GRID2: variants seen among roughly 807,000 people sequenced by gnomAD.
GRID2 encodes glutamate receptor ionotropic, delta-2.
In GRID2, 33 loss-of-function variants were observed where a neutral mutation model predicts 114.8. That is an observed-to-expected ratio of 0.29 (90% CI 0.22 to 0.38). GRID2 has a LOEUF of 0.38. Ranked by LOEUF, GRID2 falls within the 10% of genes least tolerant of loss-of-function variation. GRID2 has a pLI of 1.00. For missense variants in GRID2, 1,184 were observed against 1,257.7 expected (o/e 0.94, Z 0.89); for synonymous variants, 505 against 449.9 (o/e 1.12, Z -1.55).
intron 5 of GRID2, among the ~76,000 whole-genome samples, chr4:93,212,538 AT>A (rs1010936185): frequency 1.2e-4 from 19 of 152,240 alleles, no homozygotes; most frequent in Admixed American, 7.2e-4. Context: ...TTAACACTTT[AT>A]TTAAGTTTTA....
At chr4:92,365,637 G>T (rs1456845752) in intron 1 of GRID2, among the ~76,000 whole-genome samples, 1 of 151,882 alleles carries the variant, frequency 6.6e-6, no homozygotes, top group African/African-American at 2.4e-5. Flanking sequence ...AAACTAAGAA[G>T]AAAGTAAATT....
intron 2 of GRID2, among the ~76,000 whole-genome samples, chr4:92,755,819 G>T (rs967990557): frequency 6.6e-6 from 1 of 152,058 alleles, no homozygotes; most frequent in Non-Finnish European, 1.5e-5. Context: ...AAATGACATT[G>T]TTATATTTAC....
chr4:92,846,138 T>C (rs1743304786), intron 2 of GRID2, among the ~76,000 whole-genome samples: 1 of 152,112 alleles, frequency 6.6e-6, no homozygotes, highest in Non-Finnish European at 1.5e-5. Flanking sequence ...GGATGATGTG[T>C]CTAGCTTTCG....
chr4:92,322,833 G>A (rs1726386739), intron 1 of GRID2, among the ~76,000 whole-genome samples: 1 of 152,086 alleles, frequency 6.6e-6, no homozygotes, highest in Non-Finnish European at 1.5e-5. Context: ...TTACTTAGAG[G>A]ACTTTTACTT....
In GRID2 at chr4:92,322,003, T is replaced by A. The variant is rs537592846; in HGVS notation, c.88+17259T>A. Among the ~76,000 whole-genome samples the A allele has an allele frequency of 1.1e-4, 16 of 152,204 alleles. No individual in the cohort carries two copies. In the South Asian group the frequency reaches 3.3e-3, roughly 32 times the overall value. ...GACTTATGGACTATTGCAAATAAGG[T>A]TCATATTTCAGGAAATTGAACTTGC... On this transcript the variant is annotated intron_variant, in intron 1 of 15. Coordinates refer to ENST00000282020, the MANE Select transcript of GRID2 (RefSeq NM_001510.4).
chr4:93,596,655 G>C (rs1400184567), intron 13 of GRID2, among the ~76,000 whole-genome samples: 1 of 152,174 alleles, frequency 6.6e-6, no homozygotes, highest in Non-Finnish European at 1.5e-5. Context: ...ACTTTTTCCA[G>C]ATGCAAGTAA....
chr4:92,644,600 A>C (rs1488012205), intron 2 of GRID2, among the ~76,000 whole-genome samples: 1 of 151,850 alleles, frequency 6.6e-6, no homozygotes, highest in South Asian at 2.1e-4. Context: ...TGAACAAATT[A>C]TATGAGCAAA....
intron 8 of GRID2, among the ~76,000 whole-genome samples, chr4:93,316,324 G>GAAAGA (rs1553907425): frequency 1.4e-4 from 7 of 49,572 alleles, no homozygotes; most frequent in African/African-American, 5.4e-4. Flanking sequence ...AAGAAAGAAA[G>GAAAGA]AAAGAAAGAA....
chr4:93,556,598 T>A (rs1422905284), intron 13 of GRID2, among the ~76,000 whole-genome samples: 2 of 152,114 alleles, frequency 1.3e-5, no homozygotes, highest in Admixed American at 1.3e-4. Flanking sequence ...TATGGGACTA[T>A]GTGAAAAGAC....
chr4:92,890,357 A>C (rs984207120), intron 2 of GRID2, among the ~76,000 whole-genome samples: 11 of 152,350 alleles, frequency 7.2e-5, no homozygotes, highest in African/African-American at 2.6e-4. Flanking sequence ...AAATTTTTGC[A>C]ATCTATCCAT....
intron 2 of GRID2, among the ~76,000 whole-genome samples, chr4:92,863,842 G>C (rs559086222): frequency 6.6e-6 from 1 of 152,010 alleles, no homozygotes; most frequent in Non-Finnish European, 1.5e-5. Flanking sequence ...TCGCACTCTC[G>C]ATGTTATTTA....
At chr4:92,608,737 T>G (rs921361017) in intron 2 of GRID2, among the ~76,000 whole-genome samples, 14 of 151,826 alleles carry the variant, frequency 9.2e-5, no homozygotes, top group African/African-American at 3.1e-4. Context: ...GGTTACTATT[T>G]TTTTCATTAA....
intron 2 of GRID2, among the ~76,000 whole-genome samples, chr4:92,714,254 T>C (rs940440261): frequency 1.3e-5 from 2 of 152,206 alleles, no homozygotes; most frequent in African/African-American, 2.4e-5. Context: ...TTTGACTCCA[T>C]GTCTCACATC....
At chr4:92,508,020 TA>T (rs1724059691) in intron 1 of GRID2, among the ~76,000 whole-genome samples, 1 of 152,094 alleles carries the variant, frequency 6.6e-6, no homozygotes, top group African/African-American at 2.4e-5. Flanking sequence ...TAGGCAGAAA[TA>T]TTCTATTTTA....
chr4:93,342,628 G>C (rs968088529), intron 8 of GRID2, among the ~76,000 whole-genome samples: 4 of 152,034 alleles, frequency 2.6e-5, no homozygotes, highest in Non-Finnish European at 5.9e-5. Context: ...GATGAAAGAG[G>C]AATAGGCACT....
chr4:93,148,284 T>G (rs1736433288), intron 4 of GRID2, among the ~76,000 whole-genome samples: 1 of 152,194 alleles, frequency 6.6e-6, no homozygotes, highest in Non-Finnish European at 1.5e-5. Flanking sequence ...ATAACACTAC[T>G]GCCAACTTCA....
At chr4:92,631,500 T>C (rs367914528) in intron 2 of GRID2, among the ~76,000 whole-genome samples, 7 of 151,998 alleles carry the variant, frequency 4.6e-5, no homozygotes, top group East Asian at 1.9e-4. Context: ...AATCACAGGA[T>C]TTCTAATTAG....
intron 2 of GRID2, among the ~76,000 whole-genome samples, chr4:92,641,490 T>C (rs1731348005): frequency 6.6e-6 from 1 of 150,982 alleles, no homozygotes. Flanking sequence ...TATTTAAACA[T>C]AAAAACTGTG....
At chr4:93,512,062 C>T (rs1309292774) in intron 12 of GRID2, among the ~76,000 whole-genome samples, 1 of 152,116 alleles carries the variant, frequency 6.6e-6, no homozygotes, top group African/African-American at 2.4e-5. Flanking sequence ...GCTGGGATTA[C>T]AGGCATGAGC....
Sources: gnomAD v4.1 joint callset for allele counts (sites outside exome capture counted in the v4.1 genomes callset) on GRCh38, gnomAD v4.1.1 for gene constraint, MANE v1.5 for transcripts, NCBI Gene and HGNC (gene_info 2026-07-23, HGNC 2026-07-21) for gene names.